Variants in PHPT1 observed in about 807,000 individuals in gnomAD.
The protein encoded by PHPT1 is phosphohistidine phosphatase 1.
A neutral mutation model predicts 15.6 loss-of-function variants in PHPT1; 16 were observed. The observed-to-expected ratio is 1.03, with a 90% CI of 0.70 to 1.56. The LOEUF (loss-of-function observed/expected upper bound fraction) is 1.56. Among genes scored for constraint, PHPT1 ranks in the 40% most tolerant of loss-of-function variants. The pLI, the probability that PHPT1 is intolerant of heterozygous loss-of-function variation, is 0.00. For missense variants in PHPT1, 228 were observed against 171.0 expected, an observed-to-expected ratio of 1.33 and a Z score of -1.86; for synonymous variants, 102 against 68.1, an observed-to-expected ratio of 1.50 and a Z score of -2.45.
intron 1 of PHPT1, 187 bp downstream of exon 1, chr9:136,849,777 T>C (rs1408031577): frequency 1.3e-6 from 1 of 746,858 alleles, no homozygotes; most frequent in African/African-American, 1.8e-5. Context: ...GCTGAGGTCC[T>C]GGGCGGGAAG....
Position 136,849,563 on chromosome 9 carries a change from C to T in PHPT1, c.133C>T (p.Arg45Cys), listed in dbSNP as rs542079039. The T allele has an allele frequency of 2.5e-6, 4 of 1,605,288 alleles. No individual in the cohort carries two copies. The highest frequency in any genetic ancestry group is 2.3e-5 in the East Asian group (1 of 44,088). ...APAAESKEIV[R>C]GYKWAEYHAD... Reference sequence around the variant, plus strand: ...GGCTGCAGAGAGCAAGGAGATCGTGCGCGGCTACAAGTGGGCTGAGTACCA... The same window carrying T: ...GGCTGCAGAGAGCAAGGAGATCGTGTGCGGCTACAAGTGGGCTGAGTACCA... Residue 45 changes from arginine to cysteine, a missense_variant, in exon 1 of 3, where the codon CGC becomes TGC. Arg to Cys is a radical substitution (Grantham distance 180). Coordinates refer to ENST00000247665, the MANE Select transcript of PHPT1 (RefSeq NM_014172.6).
In PHPT1 at chr9:136,850,772, G is replaced by A. The variant is rs758930731; in HGVS notation, c.303G>A (p.Gln101=). Residue 101 remains glutamine, a synonymous_variant, in exon 3 of 3, where the codon CAG becomes CAA. Transcript: ENST00000247665. ...TTCTCCAGGCCTATGGTCCTGCCCA[G>A]CACGCCATTTCAACTGAGAAAATCA... is the stretch of plus-strand genomic sequence containing the variant. ...YGYSMAYGPA[Q]HAISTEKIKA... 6.2e-7 allele frequency: 1 copy of A among 1,613,130 alleles called. No individual in the cohort carries two copies. Among genetic ancestry groups the A allele is most frequent in the Admixed American group, 1.7e-5 (1 of 60,030 alleles).
intron 2 of PHPT1, 146 bp from the exon 3 acceptor site, chr9:136,850,609 C>T (rs1197408608): frequency 1.5e-5 from 24 of 1,575,462 alleles, no homozygotes; most frequent in Non-Finnish European, 1.9e-5. Flanking sequence ...CCCCCAAGGG[C>T]GGTCGGGATG....
rs373801280 is a variant in PHPT1, at chr9:136,850,120, G to C, written c.268G>C (p.Val90Leu). The change falls in exon 2 of 3, where the codon GTG becomes CTG. Residue 90 changes from valine to leucine, a missense_variant. Physicochemically the swap from Val to Leu is conservative, Grantham distance 32. Coordinates refer to ENST00000247665, the MANE Select transcript of PHPT1 (RefSeq NM_014172.6). ...CCAGAGTCAGGACAAGAAGATTCACGTGTACGGCTATTCCATGGTGAGCCG... is the reference window on the plus strand; with the variant it reads ...CCAGAGTCAGGACAAGAAGATTCACCTGTACGGCTATTCCATGGTGAGCCG... ...SHQSQDKKIH[V>L]YGYSMAYGPA... 17 of 1,613,072 alleles carry C rather than the reference G, an allele frequency of 1.1e-5. No homozygotes were observed. In the African/African-American group the frequency reaches 2.1e-4, roughly 20 times the overall value.
chr9:136,849,620 G>A, intron 1 of PHPT1, 30 bp downstream of exon 1: 3 of 1,498,908 alleles, frequency 2.0e-6, no homozygotes, highest in Non-Finnish European at 2.7e-6. Context: ...GCATGCCAGG[G>A]GCACGCCTGG....
chr9:136,849,410 G>A lies in PHPT1; in HGVS notation c.-21G>A, dbSNP rs1284507280. On this transcript the variant is annotated 5_prime_UTR_variant, in exon 1 of 3. Transcript: ENST00000247665. ...GCGGCCCCCGGGTCGGGTGGGAGGA[G>A]GGGACTCCGGGAGGAGGAACATGGC... 1 of 1,584,314 alleles carries A rather than the reference G, an allele frequency of 6.3e-7. No homozygotes were observed. The highest frequency in any genetic ancestry group is 1.7e-5 in the Admixed American group (1 of 57,744).
chr9:136,850,534 C>T, intron 2 of PHPT1: 2 of 1,612,080 alleles, frequency 1.2e-6, no homozygotes, highest in Non-Finnish European at 1.7e-6. Context: ...CCTCTGGGCG[C>T]CTCAGGCCCC....
rs1848851560 is a variant in PHPT1 at position 136,849,601 on chromosome 9, G to T, written c.160+11G>T. On this transcript the variant is annotated intron_variant, in intron 1 of 2. Transcript: ENST00000247665. ...GGGCTGAGTACCATGGTGAGGGCGG[G>T]ACCTGCGGGCATGCCAGGGGCACGC... 3 of 1,494,942 alleles carry T rather than the reference G, an allele frequency of 2.0e-6. No homozygotes were observed. Among genetic ancestry groups the T allele is most frequent in the African/African-American group, 1.4e-5 (1 of 69,554 alleles). The allele number at this position is 1,494,942 out of a possible 1,614,324, so 92.6% of individuals were successfully genotyped here. A position where few individuals can be genotyped will look rare whatever the true frequency, so the allele number is the denominator to read the frequency against.
At chr9:136,849,716 G>T (rs1373916547) in intron 1 of PHPT1, 126 bp downstream of exon 1, 20 of 807,338 alleles carry the variant, frequency 2.5e-5, no homozygotes, top group Non-Finnish European at 1.6e-5. Context: ...GCTGCGGGCC[G>T]TAGCGGACTG....
Position 136,850,858 on chromosome 9 carries a change from C to G in PHPT1, c.*11C>G. 6.2e-7 allele frequency: 1 copy of G among 1,603,944 alleles called. No individual in the cohort carries two copies. Among genetic ancestry groups the G allele is most frequent in the East Asian group, 2.2e-5 (1 of 44,848 alleles). On this transcript the variant is annotated 3_prime_UTR_variant, in exon 3 of 3. Transcript: ENST00000247665. ...AACGACGGCTACTGAGCACTCCCAG[C>G]CCGGGGCCTGCTGCCTCCAGCAGCC...
Position 136,850,892 on chromosome 9 carries a change from GC to G in PHPT1, c.*50del. ...TGCTGCCTCCAGCAGCCACTTCAGA[GC>G]CCCCGCCTTTGCCTGCACTCCTCTT... is the stretch of plus-strand genomic sequence containing the variant. On this transcript the variant is annotated 3_prime_UTR_variant, in exon 3 of 3. Transcript: ENST00000247665. The G allele has an allele frequency of 4.2e-6, 6 of 1,443,384 alleles. No homozygotes were observed. Among genetic ancestry groups the G allele is most frequent in the Non-Finnish European group, 5.8e-6 (6 of 1,025,880 alleles). The allele number at this position is 1,443,384 out of a possible 1,614,324, so 89.4% of individuals were successfully genotyped here.
Position 136,850,095 on chromosome 9 carries a change from C to T in PHPT1, c.243C>T (p.His81=). ...GTCTGGGCGGCGGGCGCATCTCCCA[C>T]CAGAGTCAGGACAAGAAGATTCACG... The part of the protein sequence containing the change: ...CECLGGGRIS[H]QSQDKKIHVY... Residue 81 remains histidine, a synonymous_variant, in exon 2 of 3, where the codon CAC becomes CAT. Coordinates refer to ENST00000247665, the MANE Select transcript of PHPT1 (RefSeq NM_014172.6). 1.2e-6 allele frequency: 2 copies of T among 1,613,220 alleles called. No homozygotes were observed. The highest frequency in any genetic ancestry group is 1.7e-6 in the Non-Finnish European group (2 of 1,179,926).
rs143268580 is a variant in PHPT1 at position 136,850,117 on chromosome 9, C to G, written c.265C>G (p.His89Asp). The change falls in exon 2 of 3, where the codon CAC becomes GAC. Residue 89 changes from histidine to aspartate, a missense_variant. By Grantham distance (81) the His-to-Asp change is moderately conservative. Coordinates refer to ENST00000247665, the MANE Select transcript of PHPT1 (RefSeq NM_014172.6). Reference protein sequence around the residue: ...ISHQSQDKKIHVYGYSMAYGP... With the variant: ...ISHQSQDKKIDVYGYSMAYGP... ...CCACCAGAGTCAGGACAAGAAGATT[C>G]ACGTGTACGGCTATTCCATGGTGAG... The G allele has an allele frequency of 7.4e-6, 12 of 1,613,206 alleles. No individual in the cohort carries two copies. The highest frequency in any genetic ancestry group is 9.3e-6 in the Non-Finnish European group (11 of 1,179,918).
chr9:136,850,761 G>C lies in PHPT1; in HGVS notation c.292G>C (p.Gly98Arg), dbSNP rs755391419. 2 of 1,612,808 alleles carry C rather than the reference G, an allele frequency of 1.2e-6. No homozygotes were observed. Among genetic ancestry groups the C allele is most frequent in the South Asian group, 2.2e-5 (2 of 91,078 alleles). ...GGCGTCTTCTCTTCTCCAGGCCTAT[G>C]GTCCTGCCCAGCACGCCATTTCAAC... The part of the protein sequence containing the change: ...IHVYGYSMAY[G>R]PAQHAISTEK... The change falls in exon 3 of 3, where the codon GGT (glycine) becomes CGT (arginine). Residue 98 changes from glycine (G) to arginine (R), a missense_variant. Transcript: ENST00000247665.
chr9:136,850,533 G>C (rs370032563), intron 2 of PHPT1: 13 of 1,611,894 alleles, frequency 8.1e-6, no homozygotes, highest in Middle Eastern at 1.6e-4. Flanking sequence ...CCCTCTGGGC[G>C]CCTCAGGCCC....
chr9:136,850,173 C>G (rs541289721), intron 2 of PHPT1, 36 bp downstream of exon 2: 4 of 1,612,460 alleles, frequency 2.5e-6, no homozygotes, highest in Non-Finnish European at 3.4e-6. Context: ...GCCGGAGGCC[C>G]CAGTACCAGC....
At position 136,850,949 on chromosome 9, in the gene PHPT1, G is replaced by T. The variant is rs1206422376; in HGVS notation, c.*102G>T. 1 of 901,950 alleles carries T rather than the reference G, an allele frequency of 1.1e-6. No individual in the cohort carries two copies. The highest frequency in any genetic ancestry group is 2.4e-5 in the East Asian group (1 of 41,730). 55.9% of individuals were successfully genotyped at this position (901,950 alleles called of 1,614,324 possible). ...GCTGGCCCTGCCTGCTCCTGCGGCA[G>T]CCTCTGGTGACGTGCTGTCCACCAG... On this transcript the variant is annotated 3_prime_UTR_variant, in exon 3 of 3. Transcript: ENST00000247665.
intron 1 of PHPT1, 183 bp downstream of exon 1, chr9:136,849,773 G>C (rs1588386497): frequency 1.3e-6 from 1 of 745,336 alleles, no homozygotes; most frequent in Non-Finnish European, 2.1e-6. Context: ...CCAGGCTGAG[G>C]TCCTGGGCGG....
intron 2 of PHPT1, chr9:136,850,521 G>T: frequency 6.2e-7 from 1 of 1,612,024 alleles, no homozygotes; most frequent in Non-Finnish European, 8.5e-7. Flanking sequence ...ACCCACGTGC[G>T]TCCCTCTGGG....
Sources: gnomAD v4.1 joint callset for allele counts on GRCh38, gnomAD v4.1.1 for gene constraint, MANE v1.5 for transcripts, NCBI Gene and HGNC (gene_info 2026-07-23, HGNC 2026-07-21) for gene names.